Variants in DLG4 observed in about 807,000 individuals in gnomAD.
DLG4 encodes the protein discs large MAGUK scaffold protein 4.
DLG4 carries 7 observed loss-of-function variants against 93.8 expected under a neutral mutation model. The ratio of observed to expected loss-of-function variants is 0.07; its 90% CI spans 0.04 to 0.14. DLG4 has a LOEUF of 0.14. DLG4 is among the 10% of genes least tolerant of loss of function. DLG4 has a pLI of 1.00. For missense variants in DLG4, 545 were observed against 992.9 expected (o/e 0.55, Z 6.06); for synonymous variants, 341 against 387.6 (o/e 0.88, Z 1.41).
rs902181554 is a variant in DLG4, at chr17:7,202,919, G to C, written c.771C>G (p.Pro257=). The C allele has an allele frequency of 1.7e-5, 27 of 1,614,008 alleles. No homozygotes were observed. Among genetic ancestry groups the C allele is most frequent in the Non-Finnish European group, 2.3e-5 (27 of 1,179,870 alleles). The part of the protein sequence containing the change: ...SNAYLSDSYA[P]PDITTSYSQH... Reference sequence around the variant, plus strand: ...GGCTCTCACAGGTTGTGATGTCTGGGGGAGCATAGCTGTCACTCAGGTAGG... The same window carrying C: ...GGCTCTCACAGGTTGTGATGTCTGGCGGAGCATAGCTGTCACTCAGGTAGG... Residue 257 remains proline (P), a synonymous_variant, in exon 8 of 20, where the codon CCC becomes CCG. Transcript: ENST00000399506.
intron 8 of DLG4, among the ~76,000 whole-genome samples, chr17:7,199,984 A>G (rs1209020714): frequency 6.6e-6 from 1 of 151,696 alleles, no homozygotes; most frequent in Non-Finnish European, 1.5e-5. Context: ...CGTCTCAAAA[A>G]AAAAAAAAAA....
chr17:7,212,057 C>T (rs938152163), intron 1 of DLG4, among the ~76,000 whole-genome samples: 5 of 152,036 alleles, frequency 3.3e-5, no homozygotes, highest in African/African-American at 1.2e-4. Flanking sequence ...CATCTAATCC[C>T]CCAACCCCAA....
chr17:7,190,961 C>CTATTTTTTTT, intron 19 of DLG4, 147 bp from the exon 20 acceptor site: 1 of 540,606 alleles, frequency 1.8e-6, no homozygotes, highest in African/African-American at 3.0e-5. Flanking sequence ...ACAGGGGCAC[C>CTATTTTTTTT]TCTTTTTTTT....
chr17:7,217,583 G>T lies in DLG4; in HGVS notation c.-436C>A, dbSNP rs981997670. The T allele has an allele frequency of 1.3e-5, 18 of 1,379,136 alleles. No homozygotes were observed. The highest frequency in any genetic ancestry group is 1.6e-5 in the Non-Finnish European group (17 of 1,060,238). 85.4% of individuals were successfully genotyped at this position (1,379,136 alleles called of 1,614,324 possible). A position where few individuals can be genotyped will look rare whatever the true frequency, so the allele number is the denominator to read the frequency against. ...GGGTGGGGGGGTTGGAAACGGCAGCGGCCGAGGGAGCCGTGGAGCCGAAGA... is the reference window on the plus strand; with the variant it reads ...GGGTGGGGGGGTTGGAAACGGCAGCTGCCGAGGGAGCCGTGGAGCCGAAGA... On this transcript the variant is annotated 5_prime_UTR_variant, in exon 1 of 20. Coordinates refer to ENST00000399506, the MANE Select transcript of DLG4 (RefSeq NM_001321075.3).
In DLG4 at chr17:7,187,314, G is replaced by GT. The variant is rs549450473; in HGVS notation, c.*3393_*3394insA. 7.0e-4 allele frequency among the ~76,000 whole-genome samples: 81 copies of GT among 116,296 alleles called. 11 individuals carry two copies. Among genetic ancestry groups the GT allele is most frequent in the African/African-American group, 2.0e-3 (74 of 37,350 alleles). The allele number at this position is 116,296 out of a possible 152,430, so 76.3% of individuals were successfully genotyped here. A position where few individuals can be genotyped will look rare whatever the true frequency, so the allele number is the denominator to read the frequency against. Reference sequence around the variant, plus strand: ...TAGCACTTTGGGAGGCCGAGGGGGGGGGGGGTGGATCACCCGAGGTCAGGA... The same window carrying GT: ...TAGCACTTTGGGAGGCCGAGGGGGGGTGGGGGTGGATCACCCGAGGTCAGGA... On this transcript the variant is annotated 3_prime_UTR_variant, in exon 20 of 20. Transcript: ENST00000399506.
At chr17:7,220,047 GTC>G, upstream of DLG4, 1 of 1,603,242 alleles carries the variant, frequency 6.2e-7, no homozygotes, top group Non-Finnish European at 8.5e-7. Context: ...GGGGCGGAAG[GTC>G]TGTGTGTGAC....
intron 17 of DLG4, 35 bp from the exon 18 acceptor site, chr17:7,192,037 C>T (rs375158297): frequency 8.2e-6 from 10 of 1,225,772 alleles, no homozygotes; most frequent in South Asian, 2.0e-5. Flanking sequence ...GGGGGGCCAG[C>T]GGGTGGCGAG....
chr17:7,219,921 T>TGGGTGTGCAGGACGC, upstream of DLG4: 1 of 1,555,336 alleles, frequency 6.4e-7, no homozygotes, highest in African/African-American at 1.3e-5. Flanking sequence ...CGCCAGGACG[T>TGGGTGTGCAGGACGC]GGGCGTGCAG....
At position 7,208,059 on chromosome 17, in the gene DLG4, C is replaced by A; in HGVS notation, c.96+115G>T. On this transcript the variant is annotated intron_variant, in intron 2 of 19. Transcript: ENST00000399506. This position sits in a 1 kb window ranked among gnomAD's most constrained non-coding sequence, Gnocchi z 5.4. ...CCGAGGGCCGCACTGGGGAGGGGGC[C>A]ACCAGGGTCTCCTACCTTGAAGGGG... 1 of 1,305,858 alleles carries A rather than the reference C, an allele frequency of 7.7e-7. No individual in the cohort carries two copies. The highest frequency in any genetic ancestry group is 3.1e-5 in the South Asian group (1 of 32,514). The allele number at this position is 1,305,858 out of a possible 1,614,324, so 80.9% of individuals were successfully genotyped here.
chr17:7,218,355 TGCTG>T, upstream of DLG4: 1 of 1,520,072 alleles, frequency 6.6e-7, no homozygotes, highest in Non-Finnish European at 9.0e-7. Context: ...TCATCACCGC[TGCTG>T]GCTGGCTGGC....
In DLG4 at chr17:7,208,063, AG is replaced by A. The variant is rs767502577; in HGVS notation, c.96+110del. On this transcript the variant is annotated intron_variant, in intron 2 of 19. Transcript: ENST00000399506. This position sits in a 1 kb window ranked among gnomAD's most constrained non-coding sequence, Gnocchi z 5.4. ...GGGCCGCACTGGGGAGGGGGCCACC[AG>A]GGTCTCCTACCTTGAAGGGGGAGAG... The A allele has an allele frequency of 6.9e-6, 9 of 1,303,974 alleles. No individual in the cohort carries two copies. The highest frequency in any genetic ancestry group is 3.1e-5 in the Admixed American group (1 of 32,154). 80.8% of individuals were successfully genotyped at this position (1,303,974 alleles called of 1,614,324 possible).
Position 7,189,222 on chromosome 17 carries a change from T to G in DLG4, c.*1486A>C, listed in dbSNP as rs887333846. On this transcript the variant is annotated 3_prime_UTR_variant, in exon 20 of 20. Transcript: ENST00000399506. ...AAGATCATTTCCAGGCCAGGCGCGGTGGCTCACGCCTGTAATCCCAGCACT... is the reference window on the plus strand; with the variant it reads ...AAGATCATTTCCAGGCCAGGCGCGGGGGCTCACGCCTGTAATCCCAGCACT... Among the ~76,000 whole-genome samples, 1 of 151,294 alleles carries G rather than the reference T, an allele frequency of 6.6e-6. No individual in the cohort carries two copies. Among genetic ancestry groups the G allele is most frequent in the Non-Finnish European group, 1.5e-5 (1 of 67,898 alleles).
At chr17:7,200,836 G>A (rs954878232) in intron 8 of DLG4, among the ~76,000 whole-genome samples, 2 of 140,064 alleles carry the variant, frequency 1.4e-5, no homozygotes, top group East Asian at 2.2e-4. Flanking sequence ...ATGAGCCACC[G>A]GCGCGCCCAG....
At chr17:7,199,235 T>G (rs1248666759) in intron 8 of DLG4, among the ~76,000 whole-genome samples, 1 of 151,918 alleles carries the variant, frequency 6.6e-6, no homozygotes, top group South Asian at 2.1e-4. Context: ...GTTTCACTCT[T>G]GTCGCCCAGG....
intron 1 of DLG4, among the ~76,000 whole-genome samples, chr17:7,215,935 C>T (rs2142935907): frequency 6.8e-6 from 1 of 147,464 alleles, no homozygotes; most frequent in South Asian, 2.2e-4. Flanking sequence ...AAGCCTCCCT[C>T]CACACACCAG....
intron 2 of DLG4, among the ~76,000 whole-genome samples, chr17:7,205,752 G>A (rs893842959): frequency 1.2e-3 from 17 of 14,134 alleles, no homozygotes; most frequent in African/African-American, 3.5e-3. Flanking sequence ...CCCGCAGCCC[G>A]TCCCCCATCC....
Position 7,204,202 on chromosome 17 carries a change from T to A in DLG4, c.147A>T (p.Gly49=). 6.2e-7 allele frequency: 1 copy of A among 1,606,742 alleles called. No homozygotes were observed. Among genetic ancestry groups the A allele is most frequent in the Non-Finnish European group, 8.5e-7 (1 of 1,175,180 alleles). Reference sequence around the variant, plus strand: ...CCCCAAAATCTAAACAACTCACATATCCTGGGGCTTCTAGGGTATCTGTGT... The same window carrying A: ...CCCCAAAATCTAAACAACTCACATAACCTGGGGCTTCTAGGGTATCTGTGT... The part of the protein sequence containing the change: ...IVNTDTLEAP[G]YELQVNGTEG... Residue 49 remains glycine, a synonymous_variant, in exon 3 of 20, where the codon GGA becomes GGT. Transcript: ENST00000399506.
chr17:7,203,860 A>C lies in DLG4; in HGVS notation c.211-44T>G, dbSNP rs950991796. On this transcript the variant is annotated intron_variant, in intron 4 of 19. Coordinates refer to ENST00000399506, the MANE Select transcript of DLG4 (RefSeq NM_001321075.3). This position sits in a 1 kb window ranked among gnomAD's most constrained non-coding sequence, Gnocchi z 7.2. Reference sequence around the variant, plus strand: ...GAGGGTCAGCTCCCCTCACTGCCCAAGTCTGGCAAGGCAAGTGGGGTGGGA... The same window carrying C: ...GAGGGTCAGCTCCCCTCACTGCCCACGTCTGGCAAGGCAAGTGGGGTGGGA... 4 of 1,608,814 alleles carry C rather than the reference A, an allele frequency of 2.5e-6. No homozygotes were observed. The highest frequency in any genetic ancestry group is 3.4e-6 in the Non-Finnish European group (4 of 1,177,540).
rs1345305604 is a variant in DLG4, at chr17:7,191,063, AG to A, written c.2068+203del. ...CGGCTCACTGCAACCTCTGCCTCCC[AG>A]GTTCAAGCGATTCTCCTGCCTCGGC... is the stretch of plus-strand genomic sequence containing the variant. On this transcript the variant is annotated intron_variant, in intron 19 of 19. Transcript: ENST00000399506. The surrounding 1 kb of genome is among the most constrained non-coding windows in gnomAD (Gnocchi z 6.6). 7.1e-6 allele frequency among the ~76,000 whole-genome samples: 1 copy of A among 139,974 alleles called. No individual in the cohort carries two copies. Among genetic ancestry groups the A allele is most frequent in the African/African-American group, 2.7e-5 (1 of 37,082 alleles). The allele number at this position is 139,974 out of a possible 152,430, so 91.8% of individuals were successfully genotyped here. A position where few individuals can be genotyped will look rare whatever the true frequency, so the allele number is the denominator to read the frequency against.
Sources: allele counts gnomAD v4.1 joint callset (sites outside exome capture counted in the v4.1 genomes callset), GRCh38; gene constraint gnomAD v4.1.1; non-coding constraint Gnocchi (gnomAD v3.1); transcripts MANE v1.5; gene names NCBI Gene and HGNC (gene_info 2026-07-23, HGNC 2026-07-21).